KSR2: variants seen among roughly 807,000 people sequenced by gnomAD.
KSR2 encodes the protein kinase suppressor of ras 2.
Under a neutral mutation model 107.8 loss-of-function variants are expected in KSR2, and 25 were observed. The ratio of observed to expected loss-of-function variants is 0.23; its 90% CI spans 0.17 to 0.32. The LOEUF is 0.32. Among genes scored for constraint, KSR2 ranks in the 10% least tolerant of loss-of-function variants. The pLI, the probability that KSR2 is intolerant of heterozygous loss-of-function variation, is 1.00. For missense variants in KSR2, 887 were observed against 1,268.9 expected (o/e 0.70, Z 4.57); for synonymous variants, 480 against 507.0 (o/e 0.95, Z 0.71).
chr12:117,751,640 C>T (rs1290635734), intron 4 of KSR2, among the ~76,000 whole-genome samples: 5 of 152,196 alleles, frequency 3.3e-5, no homozygotes, highest in African/African-American at 1.2e-4. Flanking sequence ...GACACCCTGG[C>T]AGCCATGAAG....
chr12:117,965,613 A>G (rs1896762969), intron 1 of KSR2, among the ~76,000 whole-genome samples: 2 of 152,232 alleles, frequency 1.3e-5, no homozygotes, highest in South Asian at 4.1e-4. Flanking sequence ...TATTACTTGC[A>G]TTAGTGTTAG....
intron 3 of KSR2, among the ~76,000 whole-genome samples, chr12:117,834,691 C>T (rs1892127652): frequency 6.6e-6 from 1 of 152,084 alleles, no homozygotes; most frequent in South Asian, 2.1e-4. Flanking sequence ...GCTTCCCCAG[C>T]CTGAGAAGAG....
Position 117,842,070 on chromosome 12 carries a change from G to T in KSR2, c.472+13358C>A, listed in dbSNP as rs913038634. ...TGTTCCCCAAACCAGCAGCACCAGCGTCGCCTGGGAACTTGTTAATGCAGA... is the reference window on the plus strand; with the variant it reads ...TGTTCCCCAAACCAGCAGCACCAGCTTCGCCTGGGAACTTGTTAATGCAGA... On this transcript the variant is annotated intron_variant, in intron 3 of 19. Coordinates refer to ENST00000339824, the MANE Select transcript of KSR2 (RefSeq NM_173598.6). The surrounding 1 kb of genome is among the most constrained non-coding windows in gnomAD (Gnocchi z 4.2). 3.3e-5 allele frequency among the ~76,000 whole-genome samples: 5 copies of T among 152,194 alleles called. No homozygotes were observed. Among genetic ancestry groups the T allele is most frequent in the Admixed American group, 3.3e-4 (5 of 15,282 alleles).
intron 4 of KSR2, among the ~76,000 whole-genome samples, chr12:117,754,791 A>T (rs1888730274): frequency 6.6e-6 from 1 of 152,022 alleles, no homozygotes; most frequent in African/African-American, 2.4e-5. Flanking sequence ...ACAGAGCAAG[A>T]CTCCATCTCA....
Position 117,517,767 on chromosome 12 carries a change from C to T in KSR2, c.2219+7085G>A, listed in dbSNP as rs1046123927. ...CAGCTTTTTGAACATAAAAGGAAGC[C>T]GCTTCCACTCGATGATGGGGACGGA... is the stretch of plus-strand genomic sequence containing the variant. On this transcript the variant is annotated intron_variant, in intron 14 of 19. Transcript: ENST00000339824. 1.1e-4 allele frequency: 47 copies of T among 441,664 alleles called. 1 individual carries two copies. The Middle Eastern group carries it at 1.7e-3, about 16-fold the overall frequency. The allele number at this position is 441,664 out of a possible 1,614,324, so 27.4% of individuals were successfully genotyped here.
At chr12:117,722,948 T>A (rs1887271599) in intron 4 of KSR2, among the ~76,000 whole-genome samples, 1 of 152,132 alleles carries the variant, frequency 6.6e-6, no homozygotes, top group African/African-American at 2.4e-5. Context: ...AAGTATCCCG[T>A]ATTCCCATGG....
chr12:117,627,182 G>A (rs112514677), intron 5 of KSR2, among the ~76,000 whole-genome samples: 1 of 151,912 alleles, frequency 6.6e-6, no homozygotes, highest in East Asian at 1.9e-4. Context: ...TTTTAATTGG[G>A]GCATTTAGCC....
chr12:117,735,298 C>T (rs1233979453), intron 4 of KSR2, among the ~76,000 whole-genome samples: 1 of 152,214 alleles, frequency 6.6e-6, no homozygotes, highest in Non-Finnish European at 1.5e-5. Flanking sequence ...ACACCACCCT[C>T]TAGAGTGAAT....
intron 1 of KSR2, among the ~76,000 whole-genome samples, chr12:117,967,140 A>G (rs1258480178): frequency 1.3e-5 from 2 of 151,998 alleles, no homozygotes; most frequent in Non-Finnish European, 2.9e-5. Flanking sequence ...GCCTCTTTAA[A>G]CCTTCCTCCT....
At chr12:117,914,062 G>A (rs1320602075) in intron 1 of KSR2, among the ~76,000 whole-genome samples, 1 of 152,146 alleles carries the variant, frequency 6.6e-6, no homozygotes, top group African/African-American at 2.4e-5. Flanking sequence ...CTACCCCTCT[G>A]TGTATCCAGT....
chr12:117,795,740 C>T (rs1313229226), intron 3 of KSR2, among the ~76,000 whole-genome samples: 2 of 152,032 alleles, frequency 1.3e-5, no homozygotes, highest in Admixed American at 6.6e-5. Flanking sequence ...GCAATCCTCC[C>T]GCCTCAACCT....
Position 117,966,621 on chromosome 12 carries a change from ACG to A in KSR2, c.180+1453_180+1454del, listed in dbSNP as rs748106086. ...CTCTCTCTCTCTCTCTCACACGCGC[ACG>A]CACACACACACACACACACACACAT... On this transcript the variant is annotated intron_variant, in intron 1 of 19. Transcript: ENST00000339824. 1.5e-3 allele frequency among the ~76,000 whole-genome samples: 192 copies of A among 128,668 alleles called. 2 individuals carry two copies. Among genetic ancestry groups the A allele is most frequent in the African/African-American group, 4.1e-3 (138 of 34,042 alleles). The allele number at this position is 128,668 out of a possible 152,430, so 84.4% of individuals were successfully genotyped here. A position where few individuals can be genotyped will look rare whatever the true frequency, so the allele number is the denominator to read the frequency against.
rs1871797706 is a variant in KSR2, at chr12:117,476,595, C to T, written c.2451G>A (p.Arg817=). Residue 817 remains arginine, a splice_region_variant and synonymous_variant, in exon 17 of 20, where the codon AGG becomes AGA. Coordinates refer to ENST00000339824, the MANE Select transcript of KSR2 (RefSeq NM_173598.6). ...TCTGGATGCGCAGTTTGTCCTCCCGCCTGGAGAAGCAAAGCACAGGATGAG... is the reference window on the plus strand; with the variant it reads ...TCTGGATGCGCAGTTTGTCCTCCCGTCTGGAGAAGCAAAGCACAGGATGAG... ...FSISGVLQAG[R]REDKLRIQNG... is the part of the protein sequence containing the mutation. The T allele has an allele frequency of 1.2e-6, 2 of 1,609,390 alleles. No individual in the cohort carries two copies. Among genetic ancestry groups the T allele is most frequent in the Non-Finnish European group, 1.7e-6 (2 of 1,177,940 alleles).
chr12:117,665,267 C>T (rs1884611491), intron 5 of KSR2, among the ~76,000 whole-genome samples: 1 of 152,086 alleles, frequency 6.6e-6, no homozygotes, highest in Admixed American at 6.5e-5. Context: ...AGGTGGAGAC[C>T]AGGGCGGGAA....
At position 117,968,392 on chromosome 12, in the gene KSR2, T is replaced by C. The variant is rs1192278799; in HGVS notation, c.-137A>G. On this transcript the variant is annotated 5_prime_UTR_variant, in exon 1 of 20. It removes an upstream start codon present in the reference 5' UTR. Coordinates refer to ENST00000339824, the MANE Select transcript of KSR2 (RefSeq NM_173598.6). ...TGTCTCATGAAGAAGAAATCCAACA[T>C]CTCACACAGGGTTGAGGGGGTGGGA... 1.3e-5 allele frequency: 18 copies of C among 1,377,670 alleles called. No individual in the cohort carries two copies. The highest frequency in any genetic ancestry group is 1.8e-5 in the South Asian group (1 of 54,134). 85.3% of individuals were successfully genotyped at this position (1,377,670 alleles called of 1,614,324 possible). A position where few individuals can be genotyped will look rare whatever the true frequency, so the allele number is the denominator to read the frequency against.
At chr12:117,523,116 G>A (rs1874869591) in intron 14 of KSR2, among the ~76,000 whole-genome samples, 1 of 152,170 alleles carries the variant, frequency 6.6e-6, no homozygotes, top group Non-Finnish European at 1.5e-5. Flanking sequence ...TTCAAAGCAC[G>A]AGTCACTCCA....
intron 5 of KSR2, among the ~76,000 whole-genome samples, chr12:117,611,578 A>C (rs112807156): frequency 0.013 from 1,952 of 152,242 alleles, 52 homozygotes; most frequent in African/African-American, 0.045. Flanking sequence ...ACGATGGGGA[A>C]AGTGAGTGGA....
intron 3 of KSR2, among the ~76,000 whole-genome samples, chr12:117,843,571 G>T (rs746407368): frequency 7.2e-5 from 11 of 152,218 alleles, no homozygotes; most frequent in Non-Finnish European, 1.5e-4. Flanking sequence ...GGTGGCAAAA[G>T]AGAAGGAGCC....
chr12:117,938,369 A>G lies in KSR2; in HGVS notation c.180+29707T>C, dbSNP rs775265803. 3.1e-4 allele frequency among the ~76,000 whole-genome samples: 47 copies of G among 152,154 alleles called. 1 individual carries two copies. The Middle Eastern group carries it at 0.017, about 55-fold the overall frequency. On this transcript the variant is annotated intron_variant, in intron 1 of 19. Coordinates refer to ENST00000339824, the MANE Select transcript of KSR2 (RefSeq NM_173598.6). ...CAGCTTGCCTTTCAAAGCAGACATC[A>G]TAGGCCAGGTGTGGGGGCTCATGCC...
Sources: allele counts gnomAD v4.1 joint callset (sites outside exome capture counted in the v4.1 genomes callset), GRCh38; gene constraint gnomAD v4.1.1; non-coding constraint Gnocchi (gnomAD v3.1); transcripts MANE v1.5; gene names NCBI Gene and HGNC (gene_info 2026-07-23, HGNC 2026-07-21).